Variants in SLC25A21 observed in about 807,000 individuals in gnomAD.
SLC25A21 encodes solute carrier family 25 member 21.
In SLC25A21, 47 loss-of-function variants were observed where a neutral mutation model predicts 43.8. That is an observed-to-expected ratio of 1.07 (90% CI 0.85 to 1.37). SLC25A21 has a LOEUF of 1.37. Ranked by LOEUF, SLC25A21 falls within the 40% of genes most tolerant of loss-of-function variation. SLC25A21 has a pLI of 0.00. For missense variants in SLC25A21, 352 were observed against 350.2 expected (o/e 1.00, Z -0.04); for synonymous variants, 131 against 121.3 (o/e 1.08, Z -0.52).
At chr14:36,898,832 T>C (rs1891323272) in intron 1 of SLC25A21, among the ~76,000 whole-genome samples, 1 of 152,122 alleles carries the variant, frequency 6.6e-6, no homozygotes. Flanking sequence ...AGCCTGTCCT[T>C]GGATAGGATG....
intron 3 of SLC25A21, among the ~76,000 whole-genome samples, chr14:36,751,946 C>T (rs1364646860): frequency 2.0e-5 from 3 of 152,192 alleles, no homozygotes; most frequent in African/African-American, 4.8e-5. Flanking sequence ...GAATTTTTCT[C>T]TCCAGTAAAT....
intron 3 of SLC25A21, among the ~76,000 whole-genome samples, chr14:36,754,491 A>G (rs1885847670): frequency 6.6e-6 from 1 of 152,224 alleles, no homozygotes; most frequent in African/African-American, 2.4e-5. Context: ...GAGTTGCTTA[A>G]CACACAATTT....
chr14:37,110,862 G>A (rs935772997), intron 1 of SLC25A21, among the ~76,000 whole-genome samples: 1 of 151,978 alleles, frequency 6.6e-6, no homozygotes, highest in Non-Finnish European at 1.5e-5. Flanking sequence ...TAAACTATTG[G>A]AAGAACTTGT....
chr14:36,963,946 CT>C (rs1489590212), intron 1 of SLC25A21, among the ~76,000 whole-genome samples: 1 of 151,310 alleles, frequency 6.6e-6, no homozygotes, highest in Non-Finnish European at 1.5e-5. Flanking sequence ...CCCTTGAAAC[CT>C]TTTTTTTTGA....
chr14:36,927,030 C>G (rs1342412695), intron 1 of SLC25A21, among the ~76,000 whole-genome samples: 1 of 151,956 alleles, frequency 6.6e-6, no homozygotes, highest in Non-Finnish European at 1.5e-5. Flanking sequence ...ATCAGCCAGG[C>G]GTGGTCGTGT....
At chr14:36,892,474 A>C (rs143414029) in intron 1 of SLC25A21, among the ~76,000 whole-genome samples, 111 of 152,308 alleles carry the variant, frequency 7.3e-4, no homozygotes, top group African/African-American at 2.5e-3. Flanking sequence ...TGTGATTTGC[A>C]ACATGGATGG....
chr14:36,835,232 C>T (rs933240946), intron 2 of SLC25A21, among the ~76,000 whole-genome samples: 21 of 152,132 alleles, frequency 1.4e-4, no homozygotes, highest in African/African-American at 4.8e-4. Context: ...AATGAACCTG[C>T]CAAGGGATTA....
At chr14:36,942,047 G>A (rs976190350) in intron 1 of SLC25A21, among the ~76,000 whole-genome samples, 5 of 151,494 alleles carry the variant, frequency 3.3e-5, no homozygotes, top group African/African-American at 1.2e-4. Context: ...CCGGAAATAT[G>A]CCATCACCAC....
intron 1 of SLC25A21, chr14:37,098,528 T>C (rs1045460538): frequency 9.9e-5 from 15 of 152,192 alleles, no homozygotes; most frequent in Non-Finnish European, 1.6e-4. Context: ...AAGTTAACCA[T>C]GATTTCTTTC....
chr14:37,168,873 A>G (rs761679), intron 1 of SLC25A21, among the ~76,000 whole-genome samples: 145,861 of 152,204 alleles, frequency 0.96, 70,225 homozygotes, highest in East Asian at 1. Context: ...TTAGACCATA[A>G]TCTGGCCTGA....
chr14:36,880,470 C>T (rs955983398), intron 1 of SLC25A21, among the ~76,000 whole-genome samples: 10 of 152,026 alleles, frequency 6.6e-5, no homozygotes, highest in Non-Finnish European at 1.5e-5. Context: ...GTGACACTAC[C>T]ACTGTTTCTT....
At chr14:36,931,232 T>A (rs17105720) in intron 1 of SLC25A21, among the ~76,000 whole-genome samples, 11,635 of 152,168 alleles carry the variant, frequency 0.076, 698 homozygotes, top group East Asian at 0.24. Context: ...ATCATAAATA[T>A]CACTCCCAAC....
At chr14:37,071,888 T>C (rs775721915) in intron 1 of SLC25A21, among the ~76,000 whole-genome samples, 60 of 152,096 alleles carry the variant, frequency 3.9e-4, no homozygotes, top group Non-Finnish European at 1.0e-4. Flanking sequence ...TATTCAGAGA[T>C]GTTAAAATGT....
At chr14:36,697,337 G>T (rs1883072354) in intron 7 of SLC25A21, among the ~76,000 whole-genome samples, 2 of 152,100 alleles carry the variant, frequency 1.3e-5, no homozygotes, top group African/African-American at 4.8e-5. Context: ...CAACTATGTG[G>T]TCAACTACAG....
intron 1 of SLC25A21, among the ~76,000 whole-genome samples, chr14:36,956,529 C>T (rs1183850632): frequency 1.3e-5 from 2 of 152,200 alleles, no homozygotes; most frequent in Non-Finnish European, 2.9e-5. Context: ...TTAATTTAAT[C>T]AGCCATTCTT....
chr14:36,976,972 T>G (rs1227619726), intron 1 of SLC25A21, among the ~76,000 whole-genome samples: 1 of 152,168 alleles, frequency 6.6e-6, no homozygotes, highest in Non-Finnish European at 1.5e-5. Flanking sequence ...AACACAGGTG[T>G]ACTCAGGAGC....
At chr14:37,133,244 C>A (rs1481389116) in intron 1 of SLC25A21, among the ~76,000 whole-genome samples, 1 of 151,856 alleles carries the variant, frequency 6.6e-6, no homozygotes, top group African/African-American at 2.4e-5. Context: ...TTTTTGGACA[C>A]CCCATCTATT....
At chr14:36,727,687 C>CAA (rs71124776) in intron 5 of SLC25A21, among the ~76,000 whole-genome samples, 26 of 144,946 alleles carry the variant, frequency 1.8e-4, no homozygotes, top group African/African-American at 2.6e-4. Context: ...GACTCTGTCT[C>CAA]AAAAAAAAAG....
intron 1 of SLC25A21, among the ~76,000 whole-genome samples, chr14:37,005,663 T>C (rs1960587210): frequency 6.6e-6 from 1 of 151,914 alleles, no homozygotes; most frequent in African/African-American, 2.4e-5. Context: ...GATCAACATA[T>C]TGTATATCTT....
Sources: allele counts gnomAD v4.1 joint callset (sites outside exome capture counted in the v4.1 genomes callset), GRCh38; gene constraint gnomAD v4.1.1; transcripts MANE v1.5; gene names NCBI Gene and HGNC (gene_info 2026-07-23, HGNC 2026-07-21).